Variants in CCDC81 observed in about 807,000 individuals in gnomAD.
CCDC81 encodes the protein coiled-coil domain-containing protein 81.
Under a neutral mutation model 83.7 loss-of-function variants are expected in CCDC81, and 79 were observed. The ratio of observed to expected loss-of-function variants is 0.94; its 90% confidence interval spans 0.79 to 1.14. The LOEUF is 1.14. Ranked by LOEUF, CCDC81 falls within the 50% of genes most tolerant of loss-of-function variation. The pLI is 0.00. For missense variants in CCDC81, 791 were observed against 778.1 expected, an observed-to-expected ratio of 1.02 and a Z score of -0.20; for synonymous variants, 252 against 278.1, an observed-to-expected ratio of 0.91 and a Z score of 0.93.
chr11:86,380,896 A>G (rs1166805259), intron 1 of CCDC81, among the ~76,000 whole-genome samples: 1 of 152,228 alleles, frequency 6.6e-6, no homozygotes, highest in East Asian at 1.9e-4. Context: ...TTAAATTGCC[A>G]GTGTGATAGT....
intron 13 of CCDC81, among the ~76,000 whole-genome samples, chr11:86,417,501 T>C (rs116861566): frequency 0.014 from 2,067 of 152,142 alleles, 21 homozygotes; most frequent in Middle Eastern, 0.031. Context: ...TTCTTTAACC[T>C]AGCAATGTCA....
intron 6 of CCDC81, among the ~76,000 whole-genome samples, chr11:86,399,827 A>G (rs1948460183): frequency 1.3e-5 from 2 of 151,962 alleles, no homozygotes; most frequent in Admixed American, 1.3e-4. Flanking sequence ...AGATCCTTAA[A>G]GACTACAACA....
chr11:86,406,061 C>T (rs1948561769), intron 7 of CCDC81, among the ~76,000 whole-genome samples: 1 of 152,188 alleles, frequency 6.6e-6, no homozygotes, highest in African/African-American at 2.4e-5. Flanking sequence ...CCATGCCTGG[C>T]CTGTTTCTTA....
chr11:86,407,821 C>CT, intron 8 of CCDC81, 120 bp downstream of exon 8: 1 of 753,814 alleles, frequency 1.3e-6, no homozygotes, highest in Non-Finnish European at 2.2e-6. Flanking sequence ...TACTCAAGTA[C>CT]TCAGGCTCAA....
chr11:86,398,946 C>T (rs1466300389), intron 6 of CCDC81, among the ~76,000 whole-genome samples: 2 of 152,178 alleles, frequency 1.3e-5, no homozygotes, highest in Non-Finnish European at 1.5e-5. Flanking sequence ...GACTGTTCCT[C>T]TAGCAGATTG....
intron 7 of CCDC81, among the ~76,000 whole-genome samples, chr11:86,402,633 C>T (rs765366933): frequency 1.1e-4 from 16 of 152,102 alleles, no homozygotes; most frequent in Non-Finnish European, 1.9e-4. Context: ...AGTTAAATTT[C>T]AGAGATAAGA....
chr11:86,417,757 T>C (rs889267581), intron 13 of CCDC81, among the ~76,000 whole-genome samples: 3 of 151,952 alleles, frequency 2.0e-5, no homozygotes, highest in Non-Finnish European at 2.9e-5. Flanking sequence ...TTTTTTTTTT[T>C]GTTTTTTTGA....
intron 7 of CCDC81, among the ~76,000 whole-genome samples, chr11:86,405,510 A>G (rs1365415213): frequency 6.6e-6 from 1 of 152,068 alleles, no homozygotes; most frequent in Non-Finnish European, 1.5e-5. Context: ...TTTTCTATTT[A>G]CTGTGCATTT....
At chr11:86,385,341 C>T (rs1246394244) in intron 1 of CCDC81, among the ~76,000 whole-genome samples, 1 of 151,966 alleles carries the variant, frequency 6.6e-6, no homozygotes, top group African/African-American at 2.4e-5. Context: ...GCCGAGATCA[C>T]GCCACTGCAC....
chr11:86,415,405 C>G (rs755813039), intron 13 of CCDC81, 92 bp downstream of exon 13: 8 of 930,062 alleles, frequency 8.6e-6, no homozygotes, highest in Non-Finnish European at 1.3e-5. Context: ...TGCCCCTCAT[C>G]TTTCTCATAC....
intron 1 of CCDC81, among the ~76,000 whole-genome samples, chr11:86,381,769 G>C (rs1406248029): frequency 2.0e-5 from 3 of 152,282 alleles, no homozygotes; most frequent in Non-Finnish European, 4.4e-5. Flanking sequence ...CTTACATACA[G>C]CACCAAGAAA....
intron 1 of CCDC81, among the ~76,000 whole-genome samples, chr11:86,376,378 G>C (rs948086405): frequency 6.6e-6 from 1 of 152,164 alleles, no homozygotes; most frequent in Admixed American, 6.5e-5. Context: ...CATTATAAAG[G>C]AAAGAGGTTT....
intron 9 of CCDC81, 90 bp downstream of exon 9, chr11:86,408,360 T>G: frequency 2.5e-6 from 3 of 1,222,092 alleles, no homozygotes; most frequent in Non-Finnish European, 3.3e-6. Flanking sequence ...TGGCGCAGGG[T>G]CTCACTCTGT....
At chr11:86,418,427 G>GT (rs1948749051) in intron 13 of CCDC81, among the ~76,000 whole-genome samples, 2 of 152,172 alleles carry the variant, frequency 1.3e-5, no homozygotes, top group South Asian at 4.1e-4. Flanking sequence ...AGCACTTTTT[G>GT]TAACAGCCAA....
At chr11:86,401,332 T>C (rs1213952079) in intron 7 of CCDC81, among the ~76,000 whole-genome samples, 2 of 152,154 alleles carry the variant, frequency 1.3e-5, no homozygotes, top group African/African-American at 4.8e-5. Flanking sequence ...GTAGGATACT[T>C]TTTAAGACCT....
At chr11:86,387,462 AT>A in intron 2 of CCDC81, 53 bp from the exon 3 acceptor site, 3 of 1,551,802 alleles carry the variant, frequency 1.9e-6, no homozygotes, top group Non-Finnish European at 1.8e-6. Flanking sequence ...ATTAAGGATT[AT>A]TTTTTCTTCA....
intron 7 of CCDC81, among the ~76,000 whole-genome samples, chr11:86,406,771 C>T (rs563808984): frequency 6.6e-6 from 1 of 152,218 alleles, no homozygotes; most frequent in East Asian, 1.9e-4. Context: ...CGCCATTGCA[C>T]TCCAGCCTGG....
intron 9 of CCDC81, 71 bp downstream of exon 9, chr11:86,408,341 A>T (rs2138530784): frequency 1.4e-6 from 2 of 1,397,666 alleles, no homozygotes; most frequent in South Asian, 3.2e-5. Flanking sequence ...ATTTATTATT[A>T]TTTTTTATTG....
rs1000368431 is a variant in CCDC81 at position 86,417,746 on chromosome 11, C to CT, written c.1692-2171dup. Among the ~76,000 whole-genome samples, 822 of 143,892 alleles carry CT rather than the reference C, an allele frequency of 5.7e-3. 5 individuals carry two copies. The highest frequency in any genetic ancestry group is 0.018 in the African/African-American group (699 of 39,482). The allele number at this position is 143,892 out of a possible 152,430, so 94.4% of individuals were successfully genotyped here. A position where few individuals can be genotyped will look rare whatever the true frequency, so the allele number is the denominator to read the frequency against. Reference sequence around the variant, plus strand: ...CCAATGTACGGTACATCTAATTTTCCTTTTTTTTTTTGTTTTTTTGAGACA... The same window carrying CT: ...CCAATGTACGGTACATCTAATTTTCCTTTTTTTTTTTTGTTTTTTTGAGACA... On this transcript the variant is annotated intron_variant, in intron 13 of 14. Coordinates refer to ENST00000445632, the MANE Select transcript of CCDC81 (RefSeq NM_001156474.2).
Sources: gnomAD v4.1 joint callset for allele counts (sites outside exome capture counted in the v4.1 genomes callset) on GRCh38, gnomAD v4.1.1 for gene constraint, MANE v1.5 for transcripts, NCBI Gene and HGNC (gene_info 2026-07-23, HGNC 2026-07-21) for gene names.